Variants in RANBP2 observed in about 807,000 individuals in gnomAD.
The protein encoded by RANBP2 is E3 SUMO-protein ligase RanBP2.
Under a neutral mutation model 303.6 loss-of-function variants are expected in RANBP2, and 57 were observed. That is an observed-to-expected ratio of 0.19 (90% CI 0.15 to 0.23). The LOEUF is 0.23. Among genes scored for constraint, RANBP2 ranks in the 10% least tolerant of loss-of-function variants. The pLI, the probability that RANBP2 is intolerant of heterozygous loss-of-function variation, is 1.00. For missense variants in RANBP2, 3,138 were observed against 3,780.8 expected (o/e 0.83, Z 4.46); for synonymous variants, 1,167 against 1,301.5 (o/e 0.90, Z 2.23).
chr2:109,157,310 C>G, the RANBP2 span, among the ~76,000 whole-genome samples: 3 of 152,336 alleles, frequency 2.0e-5, no homozygotes, highest in South Asian at 6.2e-4. Flanking sequence ...TCCTTCACAG[C>G]ACCTTTTTAA....
the RANBP2 span, among the ~76,000 whole-genome samples, chr2:109,422,924 G>A: frequency 1.3e-5 from 2 of 152,130 alleles, no homozygotes; most frequent in Non-Finnish European, 2.9e-5. Flanking sequence ...AGGAGGTGGA[G>A]GAGGAGGACG....
chr2:108,791,419 A>G, the RANBP2 span: 1 of 459,528 alleles, frequency 2.2e-6, no homozygotes, highest in East Asian at 5.6e-5. Context: ...TAGCTGTAGA[A>G]TATACCACAG....
At chr2:108,789,009 C>A, downstream of RANBP2, 2 of 1,598,206 alleles carry the variant, frequency 1.3e-6, no homozygotes, top group Non-Finnish European at 1.7e-6. Flanking sequence ...CCCTCAGTAT[C>A]TCAAAAAACT....
At chr2:108,953,459 C>T in the RANBP2 span, among the ~76,000 whole-genome samples, 2 of 152,138 alleles carry the variant, frequency 1.3e-5, no homozygotes, top group Non-Finnish European at 2.9e-5. Flanking sequence ...GGCCTCACTA[C>T]AGTCTACAAA....
chr2:108,762,856 A>G (rs1184492603), intron 19 of RANBP2, among the ~76,000 whole-genome samples: 4 of 152,156 alleles, frequency 2.6e-5, no homozygotes. Context: ...TTAGGAATGA[A>G]GAAGGTATTT....
At chr2:109,474,226 TG>T in the RANBP2 span, among the ~76,000 whole-genome samples, 3 of 151,838 alleles carry the variant, frequency 2.0e-5, no homozygotes, top group African/African-American at 4.8e-5. Flanking sequence ...TCTAGGGAGG[TG>T]GGTGTGGGCA....
the RANBP2 span, among the ~76,000 whole-genome samples, chr2:109,203,297 T>G: frequency 2.0e-5 from 3 of 152,170 alleles, no homozygotes; most frequent in African/African-American, 4.8e-5. Context: ...TACAGGTGGC[T>G]CTCTCAGGTG....
chr2:108,832,344 CTTTTT>C, the RANBP2 span, among the ~76,000 whole-genome samples: 2 of 122,238 alleles, frequency 1.6e-5, no homozygotes, highest in Admixed American at 8.4e-5. Context: ...GTATTTCTTT[CTTTTT>C]TTTTTTTTTT....
At chr2:109,577,767 G>A in the RANBP2 span, among the ~76,000 whole-genome samples, 3 of 151,484 alleles carry the variant, frequency 2.0e-5, no homozygotes. Flanking sequence ...ACAAAAATTA[G>A]CCAGGTGGGG....
chr2:108,827,592 G>A, the RANBP2 span, among the ~76,000 whole-genome samples: 2 of 134,496 alleles, frequency 1.5e-5, no homozygotes, highest in Admixed American at 7.3e-5. Context: ...CAAGGTGGGC[G>A]GATCACGAGG....
the RANBP2 span, among the ~76,000 whole-genome samples, chr2:109,514,645 C>A: frequency 6.6e-6 from 1 of 152,216 alleles, no homozygotes; most frequent in African/African-American, 2.4e-5. Context: ...CAGTGCTCTG[C>A]CAGAGTGGCC....
the RANBP2 span, chr2:108,804,974 C>A: frequency 6.4e-7 from 1 of 1,564,252 alleles, no homozygotes; most frequent in South Asian, 1.2e-5. Flanking sequence ...TCTTTTGATG[C>A]ATTGAAAGAA....
At chr2:109,020,351 G>T in the RANBP2 span, among the ~76,000 whole-genome samples, 1 of 152,198 alleles carries the variant, frequency 6.6e-6, no homozygotes, top group Non-Finnish European at 1.5e-5. Flanking sequence ...TTACAAAACA[G>T]AGATCAAACG....
the RANBP2 span, chr2:109,567,952 T>G: frequency 6.2e-7 from 1 of 1,612,036 alleles, no homozygotes; most frequent in Non-Finnish European, 8.5e-7. Context: ...GTATCTGCTT[T>G]GGCAATCACT....
At chr2:109,305,812 G>A in the RANBP2 span, among the ~76,000 whole-genome samples, 2 of 152,344 alleles carry the variant, frequency 1.3e-5, no homozygotes, top group East Asian at 1.9e-4. Flanking sequence ...AGAGGCTGGG[G>A]CTGCTCGGCA....
At chr2:108,869,473 G>A in the RANBP2 span, among the ~76,000 whole-genome samples, 3 of 152,126 alleles carry the variant, frequency 2.0e-5, no homozygotes, top group African/African-American at 7.2e-5. Context: ...GCACATACAG[G>A]GAATGCGGCA....
At chr2:108,810,494 G>A in the RANBP2 span, among the ~76,000 whole-genome samples, 1 of 152,132 alleles carries the variant, frequency 6.6e-6, no homozygotes, top group African/African-American at 2.4e-5. Context: ...GAGCCTTCCT[G>A]TGTCCCTGGG....
rs531413620 is a variant in RANBP2 at position 108,755,848 on chromosome 2, T to C, written c.2466+589T>C. On this transcript the variant is annotated intron_variant, in intron 17 of 28. Transcript: ENST00000283195. ...AAGCGACTCTCCTGCCTCAGCCTCCTGAGTAGCTGGGATTACAGGCACCCG... is the reference window on the plus strand; with the variant it reads ...AAGCGACTCTCCTGCCTCAGCCTCCCGAGTAGCTGGGATTACAGGCACCCG... 3.2e-3 allele frequency among the ~76,000 whole-genome samples: 475 copies of C among 149,102 alleles called. 1 individual carries two copies. Among genetic ancestry groups the C allele is most frequent in the African/African-American group, 0.011 (430 of 40,384 alleles).
the RANBP2 span, among the ~76,000 whole-genome samples, chr2:109,336,135 T>C: frequency 6.6e-6 from 1 of 152,180 alleles, no homozygotes; most frequent in African/African-American, 2.4e-5. Flanking sequence ...AAATATTTAA[T>C]ATCTTAAAGA....
Sources: allele counts gnomAD v4.1 joint callset (sites outside exome capture counted in the v4.1 genomes callset), GRCh38; gene constraint gnomAD v4.1.1; transcripts MANE v1.5; gene names NCBI Gene and HGNC (gene_info 2026-07-23, HGNC 2026-07-21).